The following CEP72 variants were observed in gnomAD, a reference collection of about 807,000 sequenced individuals.
The protein encoded by CEP72 is centrosomal protein 72, also known as centrosomal protein of 72 kDa.
In CEP72, 78 loss-of-function variants were observed where a neutral mutation model predicts 65.7. The observed-to-expected ratio is 1.19, with a 90% CI of 0.99 to 1.43. The LOEUF is 1.43. Ranked by LOEUF, CEP72 falls within the 40% of genes most tolerant of loss-of-function variation. CEP72 has a pLI of 0.00. For missense variants in CEP72, 914 were observed against 832.9 expected, an observed-to-expected ratio of 1.10 and a Z score of -1.20; for synonymous variants, 358 against 351.7, an observed-to-expected ratio of 1.02 and a Z score of -0.20.
intron 1 of CEP72, among the ~76,000 whole-genome samples, chr5:613,410 G>A (rs1195879899): frequency 6.6e-6 from 1 of 151,900 alleles, no homozygotes; most frequent in African/African-American, 2.4e-5. Flanking sequence ...TCACTCTGTC[G>A]TCCAGGTTGG....
chr5:626,568 T>C (rs975402947), intron 4 of CEP72, among the ~76,000 whole-genome samples: 1 of 152,204 alleles, frequency 6.6e-6, no homozygotes, highest in Non-Finnish European at 1.5e-5. Context: ...ACCTGTAATC[T>C]CAGTGCTTTG....
chr5:637,257 T>TC (rs1737671160), intron 6 of CEP72, among the ~76,000 whole-genome samples: 1 of 152,180 alleles, frequency 6.6e-6, no homozygotes, highest in Non-Finnish European at 1.5e-5. Flanking sequence ...TCATCCAGAC[T>TC]CCCCCAGAGT....
At chr5:644,182 G>C (rs759198371) in intron 9 of CEP72, 117 bp from the exon 10 acceptor site, 204 of 1,153,388 alleles carry the variant, frequency 1.8e-4, no homozygotes, top group Middle Eastern at 1.4e-3. Context: ...CTTTCACATC[G>C]TGACTCCCAA....
chr5:616,407 T>G (rs1735992070), intron 1 of CEP72, among the ~76,000 whole-genome samples: 1 of 152,256 alleles, frequency 6.6e-6, no homozygotes, highest in African/African-American at 2.4e-5. Context: ...GTATTTTTTA[T>G]GACAGTCACT....
chr5:647,005 C>T (rs1231009252), intron 10 of CEP72, among the ~76,000 whole-genome samples: 3 of 152,242 alleles, frequency 2.0e-5, no homozygotes, highest in Non-Finnish European at 4.4e-5. Context: ...GGTCCTGAAG[C>T]TGTGCCGCCC....
At chr5:638,396 A>G (rs1245346227) in intron 7 of CEP72, among the ~76,000 whole-genome samples, 1 of 152,106 alleles carries the variant, frequency 6.6e-6, no homozygotes, top group Non-Finnish European at 1.5e-5. Context: ...TGCTGTAGAC[A>G]TGAGTGCAGA....
intron 6 of CEP72, among the ~76,000 whole-genome samples, chr5:636,125 A>G (rs1737581294): frequency 6.6e-6 from 1 of 152,224 alleles, no homozygotes. Flanking sequence ...GCAACATGAA[A>G]TCCCTGTCAA....
chr5:637,782 G>A lies in CEP72; in HGVS notation c.1170G>A (p.Glu390=). ...CTCAGCCTGAGGCCTCGGAGACTGA[G>A]GAGCAGAGGTCTCGGGGTGTGACCG... ...TLSQPEASET[E]EQRSRGVTDT... is the part of the protein sequence containing the mutation. Residue 390 remains glutamate (E), a synonymous_variant, in exon 7 of 12, where the codon GAG becomes GAA. Transcript: ENST00000264935. 3.1e-6 allele frequency: 5 copies of A among 1,599,716 alleles called. No individual in the cohort carries two copies. The highest frequency in any genetic ancestry group is 4.3e-6 in the Non-Finnish European group (5 of 1,171,636).
At chr5:648,908 G>T in intron 11 of CEP72, among the ~76,000 whole-genome samples, 1 of 128,488 alleles carries the variant, frequency 7.8e-6, no homozygotes, top group African/African-American at 2.9e-5. Context: ...GGACTGTGAG[G>T]GGTGACTGTG....
intron 9 of CEP72, chr5:641,681 C>T (rs1406973211): frequency 1.0e-6 from 1 of 984,932 alleles, no homozygotes; most frequent in Admixed American, 6.2e-5. Flanking sequence ...TTTAAACACA[C>T]GTGGGTCCCC....
chr5:660,206 T>C (rs1277489808), downstream of CEP72: 1 of 44,162 alleles, frequency 2.3e-5, no homozygotes, highest in Non-Finnish European at 3.8e-5. Flanking sequence ...ATATTGCACA[T>C]ATATATATAT....
At chr5:621,211 G>A (rs1413750845) in intron 3 of CEP72, among the ~76,000 whole-genome samples, 1 of 152,152 alleles carries the variant, frequency 6.6e-6, no homozygotes, top group African/African-American at 2.4e-5. Flanking sequence ...ACCATGCACC[G>A]CTGTTCGAAA....
downstream of CEP72, among the ~76,000 whole-genome samples, chr5:671,218 G>A (rs1379814099): frequency 8.0e-5 from 12 of 150,914 alleles, no homozygotes; most frequent in African/African-American, 2.2e-4. Context: ...TTAATTTTGC[G>A]TTGCTGCCGG....
At chr5:616,792 A>AGG (rs1422448668) in intron 1 of CEP72, among the ~76,000 whole-genome samples, 4 of 144,544 alleles carry the variant, frequency 2.8e-5, no homozygotes, top group East Asian at 4.0e-4. Flanking sequence ...CAGGTGGACG[A>AGG]GGGGTGTGTG....
intron 9 of CEP72, chr5:641,725 A>G (rs1579997481): frequency 1.0e-6 from 1 of 984,630 alleles, no homozygotes; most frequent in East Asian, 1.1e-4. Flanking sequence ...ATTTAAACAC[A>G]CATGGCCCCC....
chr5:657,736 C>T (rs547933411), downstream of CEP72, among the ~76,000 whole-genome samples: 1 of 152,194 alleles, frequency 6.6e-6, no homozygotes, highest in East Asian at 1.9e-4. Flanking sequence ...ATTTCAGGGC[C>T]AGAGCAGCGG....
intron 3 of CEP72, chr5:665,924 GC>G (rs1425264834): frequency 2.1e-5 from 1 of 47,270 alleles, no homozygotes; most frequent in Non-Finnish European, 3.1e-5. Context: ...TCCAGGCCCC[GC>G]CCCCACCCCC....
downstream of CEP72, among the ~76,000 whole-genome samples, chr5:671,671 A>G (rs1337960597): frequency 6.6e-6 from 1 of 152,170 alleles, no homozygotes; most frequent in Admixed American, 6.5e-5. Flanking sequence ...AAGCTCCTGA[A>G]CCCTCAGCCA....
intron 8 of CEP72, among the ~76,000 whole-genome samples, chr5:640,025 G>A (rs776304952): frequency 4.6e-5 from 7 of 152,196 alleles, no homozygotes; most frequent in East Asian, 1.9e-4. Context: ...CGTCGGTGGC[G>A]GGGGGACTGT....
Sources: allele counts gnomAD v4.1 joint callset (sites outside exome capture counted in the v4.1 genomes callset), GRCh38; gene constraint gnomAD v4.1.1; transcripts MANE v1.5; gene names NCBI Gene and HGNC (gene_info 2026-07-23, HGNC 2026-07-21).